The following FNDC1 variants were observed in gnomAD, a reference collection of about 807,000 sequenced individuals.
FNDC1 encodes fibronectin type III domain-containing protein 1.
Under a neutral mutation model 168.0 loss-of-function variants are expected in FNDC1, and 96 were observed. The ratio of observed to expected loss-of-function variants is 0.57; its 90% CI spans 0.48 to 0.68. The LOEUF (loss-of-function observed/expected upper bound fraction) is 0.68, where lower values mean the gene tolerates loss of function less well. Ranked by LOEUF, FNDC1 falls within the 30% of genes least tolerant of loss-of-function variation. The probability of loss-of-function intolerance (pLI) is 0.00; values close to 1 mark genes in which losing one functional copy is unlikely to be tolerated. For synonymous variants in FNDC1, 1,099 were observed against 1,025.9 expected (o/e 1.07, Z -1.36); for missense variants, 2,587 against 2,482.1 (o/e 1.04, Z -0.90).
intron 1 of FNDC1, among the ~76,000 whole-genome samples, chr6:159,187,507 T>C (rs1042841027): frequency 6.6e-6 from 1 of 152,236 alleles, no homozygotes; most frequent in African/African-American, 2.4e-5. Context: ...AAAACACTTC[T>C]ATTGAACCCT....
chr6:159,198,923 C>T (rs1284412263), intron 2 of FNDC1, among the ~76,000 whole-genome samples: 1 of 152,240 alleles, frequency 6.6e-6, no homozygotes, highest in Non-Finnish European at 1.5e-5. Flanking sequence ...CCAGGCCCTG[C>T]CACAGTGAGA....
At chr6:159,247,013 T>C in intron 15 of FNDC1, 44 bp downstream of exon 15, 1 of 1,322,828 alleles carries the variant, frequency 7.6e-7, no homozygotes, top group Non-Finnish European at 1.1e-6. Context: ...CTTTCTTTCC[T>C]AATCAAAGGA....
chr6:159,263,067 G>T (rs961198648), intron 19 of FNDC1, among the ~76,000 whole-genome samples: 1 of 152,230 alleles, frequency 6.6e-6, no homozygotes, highest in Non-Finnish European at 1.5e-5. Context: ...TGTGACACAG[G>T]CTGTGCCATG....
At chr6:159,256,455 G>T (rs754557518) in intron 17 of FNDC1, 68 bp from the exon 18 acceptor site, 1 of 1,186,936 alleles carries the variant, frequency 8.4e-7, no homozygotes, top group Non-Finnish European at 1.2e-6. Context: ...CCTGTCCTCA[G>T]TGGGTTACAT....
At chr6:159,184,858 G>A (rs570544139) in intron 1 of FNDC1, among the ~76,000 whole-genome samples, 54 of 152,178 alleles carry the variant, frequency 3.5e-4, no homozygotes, top group African/African-American at 8.4e-4. Flanking sequence ...AAGAATGTGC[G>A]AAAAAATTCC....
intron 14 of FNDC1, 79 bp downstream of exon 14, chr6:159,240,036 G>T (rs1452499467): frequency 1.6e-5 from 22 of 1,350,706 alleles, no homozygotes; most frequent in Non-Finnish European, 2.1e-5. Flanking sequence ...GGCAGAGCCT[G>T]CAGGGGAGGT....
rs1777754992 is a variant in FNDC1, at chr6:159,271,857, A to G, written c.*415A>G. On this transcript the variant is annotated 3_prime_UTR_variant, in exon 23 of 23. Coordinates refer to ENST00000297267, the MANE Select transcript of FNDC1 (RefSeq NM_032532.3). The stretch of plus-strand genomic sequence containing the variant: ...TGTTTTTCTCATTTTGGATTTCTCC[A>G]AAACTAACTGAATTTAAGCTTCAGG... The G allele has an allele frequency of 1.3e-5, 2 of 156,724 alleles. No individual in the cohort carries two copies. Among genetic ancestry groups the G allele is most frequent in the African/African-American group, 4.8e-5 (2 of 41,522 alleles). The allele number at this position is 156,724 out of a possible 1,614,324, so 9.7% of individuals were successfully genotyped here. A position where few individuals can be genotyped will look rare whatever the true frequency, so the allele number is the denominator to read the frequency against.
At chr6:159,178,550 A>G (rs1043595818) in intron 1 of FNDC1, among the ~76,000 whole-genome samples, 4 of 152,084 alleles carry the variant, frequency 2.6e-5, no homozygotes, top group Non-Finnish European at 4.4e-5. Context: ...TACCTAATGT[A>G]GCCATATTTA....
At chr6:159,263,687 G>A (rs923627983) in intron 19 of FNDC1, among the ~76,000 whole-genome samples, 7 of 152,160 alleles carry the variant, frequency 4.6e-5, no homozygotes, top group Non-Finnish European at 7.3e-5. Flanking sequence ...GCGTGAAGCT[G>A]GGAGACGGAG....
intron 15 of FNDC1, among the ~76,000 whole-genome samples, chr6:159,248,361 G>A (rs537626540): frequency 9.2e-5 from 14 of 151,646 alleles, no homozygotes; most frequent in South Asian, 2.1e-4. Context: ...GCTGGAGTGC[G>A]GTGGCGTGAT....
At chr6:159,266,686 T>TGG (rs1562314514) in intron 21 of FNDC1, among the ~76,000 whole-genome samples, 8 of 125,798 alleles carry the variant, frequency 6.4e-5, no homozygotes, top group Admixed American at 2.2e-4. Context: ...TAGGGTTTTT[T>TGG]TTTTTTTTTT....
chr6:159,251,573 G>A (rs1342399143), intron 17 of FNDC1, 41 bp downstream of exon 17: 3 of 1,526,988 alleles, frequency 2.0e-6, no homozygotes, highest in Non-Finnish European at 2.7e-6. Context: ...TGATCTGTAG[G>A]TGGGAAATGT....
chr6:159,264,149 C>T (rs150241688), intron 19 of FNDC1, among the ~76,000 whole-genome samples: 10 of 152,280 alleles, frequency 6.6e-5, no homozygotes, highest in Admixed American at 1.3e-4. Flanking sequence ...TGTGCTTATA[C>T]CCATGAAGCC....
intron 16 of FNDC1, 47 bp downstream of exon 16, chr6:159,249,229 G>C: frequency 6.5e-7 from 1 of 1,546,622 alleles, no homozygotes; most frequent in Non-Finnish European, 8.7e-7. Flanking sequence ...TTTAACTTGT[G>C]GTCTTTGAAG....
chr6:159,246,953 C>T lies in FNDC1; in HGVS notation c.4674C>T (p.Tyr1558=), dbSNP rs753906962. Residue 1558 remains tyrosine (Y), a synonymous_variant, in exon 15 of 23, where the codon TAC becomes TAT. Coordinates refer to ENST00000297267, the MANE Select transcript of FNDC1 (RefSeq NM_032532.3). ...CTGCAGTACCTACGGAAGAGGCCTA[C>T]GTTATATATGATGAAGGTACAAACT... ...TDTAVPTEEA[Y]VIYDEDYEFE... The T allele has an allele frequency of 8.1e-6, 13 of 1,611,096 alleles. No homozygotes were observed. The highest frequency in any genetic ancestry group is 6.6e-5 in the South Asian group (6 of 91,034).
chr6:159,214,911 T>C (rs400477), intron 4 of FNDC1, 34 bp from the exon 5 acceptor site: 4 of 1,602,318 alleles, frequency 2.5e-6, no homozygotes, highest in South Asian at 1.1e-5. Context: ...AGTGGTCTAC[T>C]GTCTAACCAC....
chr6:159,246,116 C>A (rs1158715829), intron 14 of FNDC1, among the ~76,000 whole-genome samples: 1 of 152,142 alleles, frequency 6.6e-6, no homozygotes, highest in East Asian at 1.9e-4. Context: ...AAAATCACAT[C>A]TGAAATTTTA....
Position 159,251,328 on chromosome 6 carries a change from G to A in FNDC1, c.4861G>A (p.Asp1621Asn), listed in dbSNP as rs746130644. The A allele has an allele frequency of 1.9e-6, 3 of 1,613,736 alleles. No homozygotes were observed. Among genetic ancestry groups the A allele is most frequent in the Non-Finnish European group, 2.5e-6 (3 of 1,179,808 alleles). Residue 1621 changes from aspartate (D) to asparagine (N), a missense_variant, in exon 17 of 23, where the codon GAC becomes AAC. By Grantham distance (23) the Asp-to-Asn change is conservative. Coordinates refer to ENST00000297267, the MANE Select transcript of FNDC1 (RefSeq NM_032532.3). ...VAPYVTYLNK[D>N]PSAPCSLTDA... ...TCCTTACGTGACGTACCTAAATAAA[G>A]ACCCATCAGCCCCGTGCTCTCTGAC...
rs372115407 is a variant in FNDC1, at chr6:159,233,327, C to A, written c.2815C>A (p.Gln939Lys). The change falls in exon 11 of 23, where the codon CAG becomes AAG. Residue 939 changes from glutamine (Q) to lysine (K), a missense_variant. Transcript: ENST00000297267. This position sits in a 1 kb window ranked among gnomAD's most constrained non-coding sequence, Gnocchi z 4.6. ...ATCCACAGGGGCAGATACACATCCT[C>A]AGGGCAAGTACTCCTCCCTGGCCTC... is the stretch of plus-strand genomic sequence containing the variant. ...PKSTGADTHP[Q>K]GKYSSLASKA... The A allele has an allele frequency of 1.9e-6, 3 of 1,613,828 alleles. No individual in the cohort carries two copies. The African/African-American group carries it at 4.0e-5, about 22-fold the overall frequency.
Sources: allele counts gnomAD v4.1 joint callset (sites outside exome capture counted in the v4.1 genomes callset), GRCh38; gene constraint gnomAD v4.1.1; non-coding constraint Gnocchi (gnomAD v3.1); transcripts MANE v1.5; gene names NCBI Gene and HGNC (gene_info 2026-07-23, HGNC 2026-07-21).